MSI2: variants seen among roughly 807,000 people sequenced by gnomAD.
MSI2 encodes RNA-binding protein Musashi homolog 2.
A neutral mutation model predicts 45.6 loss-of-function variants in MSI2; 17 were observed. The observed-to-expected ratio is 0.37, with a 90% CI of 0.26 to 0.56. The LOEUF is 0.56. Among genes scored for constraint, MSI2 ranks in the 20% least tolerant of loss-of-function variants. MSI2 has a pLI of 0.77. For synonymous variants in MSI2, 156 were observed against 158.2 expected (o/e 0.99, Z 0.11); for missense variants, 293 against 444.2 (o/e 0.66, Z 3.06).
chr17:57,366,348 C>T (rs1598175258), intron 5 of MSI2, among the ~76,000 whole-genome samples: 2 of 152,326 alleles, frequency 1.3e-5, no homozygotes, highest in East Asian at 3.9e-4. Context: ...AGCCTGGGCC[C>T]TTCTCACGCC....
intron 11 of MSI2, among the ~76,000 whole-genome samples, chr17:57,653,178 C>T (rs866664442): frequency 3.9e-4 from 59 of 152,206 alleles, no homozygotes; most frequent in Middle Eastern, 3.2e-3. Context: ...CAAGAACCCA[C>T]ACCCTGGGTG....
At chr17:57,470,677 C>T (rs545548664) in intron 6 of MSI2, among the ~76,000 whole-genome samples, 12 of 152,312 alleles carry the variant, frequency 7.9e-5, no homozygotes, top group African/African-American at 2.4e-4. Context: ...TGCACTGGGG[C>T]GGCATCAGCC....
At chr17:57,400,505 T>G (rs980140430) in intron 5 of MSI2, among the ~76,000 whole-genome samples, 4 of 151,888 alleles carry the variant, frequency 2.6e-5, no homozygotes, top group Non-Finnish European at 5.9e-5. Context: ...CCTGGCCTGG[T>G]GGAGGATTTG....
intron 5 of MSI2, among the ~76,000 whole-genome samples, chr17:57,331,681 T>A (rs1358614776): frequency 1.3e-5 from 2 of 152,224 alleles, no homozygotes; most frequent in Non-Finnish European, 2.9e-5. Context: ...GTGCTTGGCA[T>A]GTAACCTTCC....
intron 6 of MSI2, among the ~76,000 whole-genome samples, chr17:57,484,009 G>A (rs916661590): frequency 6.6e-6 from 1 of 152,236 alleles, no homozygotes; most frequent in African/African-American, 2.4e-5. Flanking sequence ...GGAACCGAGA[G>A]CTGGTTTTAC....
chr17:57,314,820 T>C (rs1461423426), intron 5 of MSI2, among the ~76,000 whole-genome samples: 1 of 152,142 alleles, frequency 6.6e-6, no homozygotes, highest in Non-Finnish European at 1.5e-5. Flanking sequence ...TCTGCCCGCC[T>C]CGGTCTCCCA....
rs905153282 is a variant in MSI2, at chr17:57,502,614, T to G, written c.406-27062T>G. Among the ~76,000 whole-genome samples, 19 of 108,560 alleles carry G rather than the reference T, an allele frequency of 1.8e-4. 1 individual carries two copies. The highest frequency in any genetic ancestry group is 6.7e-4 in the African/African-American group (18 of 26,670). The allele number at this position is 108,560 out of a possible 152,430, so 71.2% of individuals were successfully genotyped here. The stretch of plus-strand genomic sequence containing the variant: ...AAGATGACTCTGAGATATATATATA[T>G]ATATATATATATATATATATATAGT... On this transcript the variant is annotated intron_variant, in intron 6 of 13. Coordinates refer to ENST00000284073, the MANE Select transcript of MSI2 (RefSeq NM_138962.4).
intron 11 of MSI2, among the ~76,000 whole-genome samples, chr17:57,669,309 C>T (rs1912599518): frequency 6.6e-6 from 1 of 152,220 alleles, no homozygotes; most frequent in African/African-American, 2.4e-5. Context: ...GAGTGGCTGG[C>T]TGTTCAGAGG....
At chr17:57,606,700 A>C (rs1906618899) in intron 8 of MSI2, among the ~76,000 whole-genome samples, 1 of 152,140 alleles carries the variant, frequency 6.6e-6, no homozygotes, top group Admixed American at 6.5e-5. Flanking sequence ...TTTTTGGTTT[A>C]TGACCTATTT....
Position 57,678,882 on chromosome 17 carries a change from C to T in MSI2, c.*32-667C>T, listed in dbSNP as rs1016131093. On this transcript the variant is annotated intron_variant, in intron 13 of 13. Transcript: ENST00000284073. The stretch of plus-strand genomic sequence containing the variant: ...GGTCAAACACACCCATTGTCCCCAA[C>T]CCTCTGACATTCAGCGCCATCCACA... Among the ~76,000 whole-genome samples, 31 of 152,218 alleles carry T rather than the reference C, an allele frequency of 2.0e-4. 1 individual carries two copies. Among genetic ancestry groups the T allele is most frequent in the African/African-American group, 4.8e-5 (2 of 41,448 alleles).
chr17:57,443,952 G>T (rs1239697858), intron 6 of MSI2, among the ~76,000 whole-genome samples: 1 of 152,160 alleles, frequency 6.6e-6, no homozygotes, highest in Non-Finnish European at 1.5e-5. Context: ...GTCTGTGTCA[G>T]ATGCCCTAAC....
intron 7 of MSI2, among the ~76,000 whole-genome samples, chr17:57,541,127 T>C (rs909358354): frequency 1.3e-5 from 2 of 150,194 alleles, no homozygotes; most frequent in South Asian, 4.3e-4. Flanking sequence ...AAAGTGACCT[T>C]AGGATGTTAA....
At chr17:57,334,527 C>G (rs1055305298) in intron 5 of MSI2, among the ~76,000 whole-genome samples, 6 of 152,214 alleles carry the variant, frequency 3.9e-5, no homozygotes, top group Non-Finnish European at 8.8e-5. Flanking sequence ...GGTGCGATGG[C>G]TCATGCCTGT....
At chr17:57,566,391 A>C (rs1231104074) in intron 7 of MSI2, among the ~76,000 whole-genome samples, 1 of 152,142 alleles carries the variant, frequency 6.6e-6, no homozygotes, top group Non-Finnish European at 1.5e-5. Context: ...TCTCCTAATA[A>C]AATTTAAAAT....
chr17:57,416,395 G>A (rs2084294892), intron 6 of MSI2, among the ~76,000 whole-genome samples: 1 of 152,300 alleles, frequency 6.6e-6, no homozygotes, highest in South Asian at 2.1e-4. Flanking sequence ...AATATTTCTT[G>A]CATATGACTT....
At chr17:57,433,426 G>A (rs1325375457) in intron 6 of MSI2, among the ~76,000 whole-genome samples, 3 of 152,178 alleles carry the variant, frequency 2.0e-5, no homozygotes, top group African/African-American at 7.2e-5. Context: ...TCAGAGTGAT[G>A]CATCCACAAG....
intron 11 of MSI2, among the ~76,000 whole-genome samples, chr17:57,656,480 G>A (rs148065495): frequency 1.3e-5 from 2 of 152,182 alleles, no homozygotes; most frequent in Non-Finnish European, 2.9e-5. Context: ...GCCCTTCAGG[G>A]ATACGGGTCT....
At chr17:57,358,973 T>C (rs901044579) in intron 5 of MSI2, among the ~76,000 whole-genome samples, 12 of 152,196 alleles carry the variant, frequency 7.9e-5, no homozygotes, top group Non-Finnish European at 1.5e-4. Context: ...AGGGCAACTC[T>C]GTTCACCCAC....
At chr17:57,603,094 G>C (rs1000604660) in intron 8 of MSI2, among the ~76,000 whole-genome samples, 16 of 152,288 alleles carry the variant, frequency 1.1e-4, no homozygotes, top group African/African-American at 3.6e-4. Context: ...GGACCTCCAG[G>C]CCAGTCTGGT....
Sources: gnomAD v4.1 joint callset for allele counts (sites outside exome capture counted in the v4.1 genomes callset) on GRCh38, gnomAD v4.1.1 for gene constraint, MANE v1.5 for transcripts, NCBI Gene and HGNC (gene_info 2026-07-23, HGNC 2026-07-21) for gene names.